The following PTCD2 variants were observed in gnomAD, a reference collection of about 807,000 sequenced individuals.
The protein encoded by PTCD2 is pentatricopeptide repeat domain 2.
In PTCD2, 31 loss-of-function variants were observed where a neutral mutation model predicts 42.6. That is an observed-to-expected ratio of 0.73 (90% CI 0.55 to 0.98). PTCD2 has a LOEUF of 0.98. Among genes scored for constraint, PTCD2 ranks in the 50% least tolerant of loss-of-function variants. The pLI, the probability that PTCD2 is intolerant of heterozygous loss-of-function variation, is 0.00. For synonymous variants in PTCD2, 183 were observed against 170.9 expected, an observed-to-expected ratio of 1.07 and a Z score of -0.55; for missense variants, 476 against 454.8, an observed-to-expected ratio of 1.05 and a Z score of -0.42.
At chr5:72,341,284 T>A (rs1454332236) in intron 7 of PTCD2, among the ~76,000 whole-genome samples, 1 of 152,104 alleles carries the variant, frequency 6.6e-6, no homozygotes, top group Non-Finnish European at 1.5e-5. Flanking sequence ...CCTCAAGTGA[T>A]CTGCCCGCCA....
At position 72,358,185 on chromosome 5, in the gene PTCD2, G is replaced by A. The variant is rs1446397583; in HGVS notation, c.943-18G>A. The A allele has an allele frequency of 2.5e-6, 4 of 1,602,194 alleles. No individual in the cohort carries two copies. Among genetic ancestry groups the A allele is most frequent in the Non-Finnish European group, 3.4e-6 (4 of 1,170,450 alleles). Reference sequence around the variant, plus strand: ...AAATCTTGCAGAGATGTAATGATGTGTTCTTGCTTTTTTCCAGCTGGCCAA... The same window carrying A: ...AAATCTTGCAGAGATGTAATGATGTATTCTTGCTTTTTTCCAGCTGGCCAA... On this transcript the variant is annotated intron_variant, in intron 9 of 9. Transcript: ENST00000380639.
At chr5:72,331,584 A>G (rs993362703) in intron 4 of PTCD2, among the ~76,000 whole-genome samples, 1 of 152,194 alleles carries the variant, frequency 6.6e-6, no homozygotes, top group Non-Finnish European at 1.5e-5. Flanking sequence ...TGGAGGAGGT[A>G]TAGGTACAGA....
Position 72,357,380 on chromosome 5 carries a change from CCTT to C in PTCD2, c.943-819_943-817del, listed in dbSNP as rs1409119282. Among the ~76,000 whole-genome samples, 4 of 152,144 alleles carry C rather than the reference CCTT, an allele frequency of 2.6e-5. No individual in the cohort carries two copies. The East Asian group carries it at 7.7e-4, about 29-fold the overall frequency. The stretch of plus-strand genomic sequence containing the variant: ...ATATACCTCACATAAGTGTACTTCT[CCTT>C]CTTTTCTGTACCTTTCCCAATCTCA... On this transcript the variant is annotated intron_variant, in intron 9 of 9. Transcript: ENST00000380639.
chr5:72,344,343 C>T (rs1752239388), intron 8 of PTCD2, among the ~76,000 whole-genome samples: 7 of 152,122 alleles, frequency 4.6e-5, no homozygotes, highest in Admixed American at 4.6e-4. Flanking sequence ...GAAACCCCAT[C>T]TCTACCAAAA....
In PTCD2 at chr5:72,358,248, G is replaced by A. The variant is rs748229887; in HGVS notation, c.988G>A (p.Ala330Thr). 6 of 1,613,968 alleles carry A rather than the reference G, an allele frequency of 3.7e-6. No homozygotes were observed. The highest frequency in any genetic ancestry group is 2.2e-5 in the East Asian group (1 of 44,882). Reference protein sequence around the residue: ...EKVKDVPALVAKFDEIYGTLH... With the variant: ...EKVKDVPALVTKFDEIYGTLH... ...AGTGAAGGATGTGCCTGCCCTTGTG[G>A]CCAAATTTGATGAGATCTATGGGAC... The change falls in exon 10 of 10, where the codon GCC becomes ACC. Residue 330 changes from alanine to threonine, a missense_variant. By Grantham distance (58) the Ala-to-Thr change is moderately conservative. Coordinates refer to ENST00000380639, the MANE Select transcript of PTCD2 (RefSeq NM_024754.5).
intron 9 of PTCD2, among the ~76,000 whole-genome samples, chr5:72,356,585 A>G (rs1036588305): frequency 3.3e-5 from 5 of 152,254 alleles, no homozygotes; most frequent in African/African-American, 4.8e-5. Context: ...AAACTATCAT[A>G]GGTGCTATTA....
At chr5:72,335,581 T>C (rs1225328411) in intron 5 of PTCD2, 16 of 445,062 alleles carry the variant, frequency 3.6e-5, no homozygotes, top group Middle Eastern at 5.3e-4. Flanking sequence ...ATTTTACTTA[T>C]GCTAAAATTG....
intron 8 of PTCD2, among the ~76,000 whole-genome samples, chr5:72,351,459 A>C (rs901832234): frequency 7.9e-5 from 12 of 152,340 alleles, no homozygotes; most frequent in Non-Finnish European, 1.6e-4. Flanking sequence ...CGCTGAAGGT[A>C]CCATTTGCCC....
Position 72,337,198 on chromosome 5 carries a change from G to T in PTCD2, c.639+1313G>T, listed in dbSNP as rs1010390983. On this transcript the variant is annotated intron_variant, in intron 6 of 9. Coordinates refer to ENST00000380639, the MANE Select transcript of PTCD2 (RefSeq NM_024754.5). ...TAGATAGTAAATATTTTAGGCTTTG[G>T]GGGCCACATATGTCTCTGCCTCATG... is the stretch of plus-strand genomic sequence containing the variant. Among the ~76,000 whole-genome samples the T allele has an allele frequency of 5.9e-5, 9 of 152,094 alleles. 1 individual carries two copies. In the East Asian group the frequency reaches 1.5e-3, roughly 26 times the overall value.
chr5:72,352,291 G>T (rs1752661370), intron 8 of PTCD2, among the ~76,000 whole-genome samples: 1 of 152,170 alleles, frequency 6.6e-6, no homozygotes, highest in Non-Finnish European at 1.5e-5. Flanking sequence ...GGGATTACAG[G>T]TTCATGTCAC....
At chr5:72,342,909 C>A in intron 7 of PTCD2, 53 bp from the exon 8 acceptor site, 1 of 1,146,868 alleles carries the variant, frequency 8.7e-7, no homozygotes, top group Non-Finnish European at 1.3e-6. Context: ...TGATCTTTTA[C>A]AATAACATTA....
At chr5:72,332,073 C>T (rs1320964085) in intron 4 of PTCD2, among the ~76,000 whole-genome samples, 1 of 152,134 alleles carries the variant, frequency 6.6e-6, no homozygotes, top group Non-Finnish European at 1.5e-5. Flanking sequence ...GGAGTGTAAG[C>T]TTAGACTGCT....
chr5:72,347,712 A>G (rs533688975), intron 8 of PTCD2, among the ~76,000 whole-genome samples: 58 of 152,114 alleles, frequency 3.8e-4, no homozygotes, highest in African/African-American at 1.4e-3. Context: ...TAATCTAGTA[A>G]TGATTTGATT....
At chr5:72,323,382 T>TG (rs1750964004) in intron 2 of PTCD2, among the ~76,000 whole-genome samples, 2 of 152,206 alleles carry the variant, frequency 1.3e-5, no homozygotes, top group African/African-American at 4.8e-5. Context: ...TTTCAGCACC[T>TG]GAAAAATCTT....
At chr5:72,329,984 G>A (rs1277771297) in intron 3 of PTCD2, among the ~76,000 whole-genome samples, 1 of 150,894 alleles carries the variant, frequency 6.6e-6, no homozygotes, top group Non-Finnish European at 1.5e-5. Flanking sequence ...CCAGGCTGGA[G>A]TGCAGGGGTG....
intron 9 of PTCD2, among the ~76,000 whole-genome samples, chr5:72,355,491 C>T (rs552864574): frequency 1.1e-4 from 16 of 152,016 alleles, no homozygotes; most frequent in Non-Finnish European, 2.2e-4. Context: ...CATGAGTTCT[C>T]CGAATGTACC....
At chr5:72,321,439 A>G (rs1202007397) in intron 1 of PTCD2, 1 of 152,252 alleles carries the variant, frequency 6.6e-6, no homozygotes, top group Non-Finnish European at 1.5e-5. Context: ...ACACCCAACA[A>G]TAGAAACCTG....
chr5:72,340,319 A>G (rs935664887), intron 7 of PTCD2, among the ~76,000 whole-genome samples: 1 of 152,012 alleles, frequency 6.6e-6, no homozygotes, highest in African/African-American at 2.4e-5. Context: ...CCAATACCCA[A>G]TTTTAGCTGG....
At chr5:72,344,495 A>G (rs1752248419) in intron 8 of PTCD2, among the ~76,000 whole-genome samples, 1 of 152,154 alleles carries the variant, frequency 6.6e-6, no homozygotes, top group Admixed American at 6.5e-5. Context: ...CCTTGGCGAC[A>G]GAGCAAGACT....
Sources: allele counts gnomAD v4.1 joint callset (sites outside exome capture counted in the v4.1 genomes callset), GRCh38; gene constraint gnomAD v4.1.1; transcripts MANE v1.5; gene names NCBI Gene and HGNC (gene_info 2026-07-23, HGNC 2026-07-21).